The following USP39 variants were observed in gnomAD, a reference collection of about 807,000 sequenced individuals.
USP39 encodes ubiquitin specific peptidase 39, also known as ubiquitin carboxyl-terminal hydrolase 39.
In USP39, 38 loss-of-function variants were observed where a neutral mutation model predicts 66.4. The observed-to-expected ratio is 0.57, with a 90% CI of 0.44 to 0.75. The LOEUF is 0.75. Ranked by LOEUF, USP39 falls within the 30% of genes least tolerant of loss-of-function variation. The pLI, the probability that USP39 is intolerant of heterozygous loss-of-function variation, is 0.00. For missense variants in USP39, 608 were observed against 714.4 expected, an observed-to-expected ratio of 0.85 and a Z score of 1.70; for synonymous variants, 303 against 274.6, an observed-to-expected ratio of 1.10 and a Z score of -1.02.
chr2:85,608,953 G>C (rs958749349), upstream of USP39: 2 of 1,614,082 alleles, frequency 1.2e-6, no homozygotes, highest in African/African-American at 2.7e-5. Context: ...GGTCAGTGTT[G>C]GCTCTGGCGC....
chr2:85,619,136 C>G lies in USP39; in HGVS notation c.269-84C>G, dbSNP rs570440990. The stretch of plus-strand genomic sequence containing the variant: ...GGAACTCATCTTGATTAGTTTTTCC[C>G]ATTTCTGTTTCTTTTTTTGTTCTGT... On this transcript the variant is annotated intron_variant, in intron 1 of 12. Transcript: ENST00000323701. 5.4e-6 allele frequency: 8 copies of G among 1,475,352 alleles called. No individual in the cohort carries two copies. In the South Asian group the frequency reaches 8.3e-5, roughly 15 times the overall value. The allele number at this position is 1,475,352 out of a possible 1,614,324, so 91.4% of individuals were successfully genotyped here.
At chr2:85,622,099 C>T (rs1287754997) in intron 3 of USP39, among the ~76,000 whole-genome samples, 1 of 151,650 alleles carries the variant, frequency 6.6e-6, no homozygotes, top group Admixed American at 6.6e-5. Flanking sequence ...GGATTACAGG[C>T]GTGAGCCACC....
chr2:85,629,352 C>T (rs987511025), intron 5 of USP39, among the ~76,000 whole-genome samples: 15 of 151,886 alleles, frequency 9.9e-5, no homozygotes, highest in African/African-American at 2.2e-4. Flanking sequence ...TGAACCATCG[C>T]GCCTAGACCC....
chr2:85,636,492 A>G (rs1675786079), intron 7 of USP39, among the ~76,000 whole-genome samples: 3 of 152,116 alleles, frequency 2.0e-5, no homozygotes, highest in Non-Finnish European at 4.4e-5. Flanking sequence ...ATATGGTTAT[A>G]GTCCCAATGA....
chr2:85,615,530 G>A, upstream of USP39, among the ~76,000 whole-genome samples: 1 of 152,314 alleles, frequency 6.6e-6, no homozygotes, highest in East Asian at 1.9e-4. Context: ...ATTTGGGAAT[G>A]TCGCCTAGTT....
intron 6 of USP39, 56 bp from the exon 7 acceptor site, chr2:85,635,997 A>T: frequency 6.4e-7 from 1 of 1,561,310 alleles, no homozygotes; most frequent in Non-Finnish European, 8.8e-7. Flanking sequence ...TGCATGGTTT[A>T]AGTTAACTCT....
At chr2:85,618,958 C>T (rs112788655) in intron 1 of USP39, among the ~76,000 whole-genome samples, 10,424 of 151,942 alleles carry the variant, frequency 0.069, 1,211 homozygotes, top group African/African-American at 0.24. Context: ...TTTGTAGAGA[C>T]GGGGTTTCAC....
Position 85,616,230 on chromosome 2 carries a change from C to T in USP39, c.35C>T (p.Ser12Phe). 6.8e-7 allele frequency: 1 copy of T among 1,478,584 alleles called. No individual in the cohort carries two copies. Among genetic ancestry groups the T allele is most frequent in the Non-Finnish European group, 9.0e-7 (1 of 1,109,834 alleles). The allele number at this position is 1,478,584 out of a possible 1,614,324, so 91.6% of individuals were successfully genotyped here. A position where few individuals can be genotyped will look rare whatever the true frequency, so the allele number is the denominator to read the frequency against. Residue 12 changes from serine to phenylalanine, a missense_variant, in exon 1 of 13, where the codon TCC becomes TTC. Coordinates refer to ENST00000323701, the MANE Select transcript of USP39 (RefSeq NM_006590.4). ...CGGTCTAAGCGGGAGTCTCGCGGTT[C>T]CACTCGCGGGAAGCGAGAGTCTGAG... The part of the protein sequence containing the change: ...SGRSKRESRG[S>F]TRGKRESESR...
chr2:85,624,235 A>G (rs1037941852), intron 4 of USP39, among the ~76,000 whole-genome samples: 6 of 152,026 alleles, frequency 3.9e-5, no homozygotes, highest in African/African-American at 1.2e-4. Flanking sequence ...AGAGACACTC[A>G]TTGTACTGAG....
upstream of USP39, among the ~76,000 whole-genome samples, chr2:85,613,233 G>C (rs1673690208): frequency 6.6e-6 from 1 of 152,076 alleles, no homozygotes; most frequent in Admixed American, 6.5e-5. Context: ...AAAGAGCCGG[G>C]CGTGGTGGCT....
At chr2:85,618,733 C>G (rs566515967) in intron 1 of USP39, among the ~76,000 whole-genome samples, 2 of 151,900 alleles carry the variant, frequency 1.3e-5, no homozygotes, top group East Asian at 3.9e-4. Flanking sequence ...CAAATATATT[C>G]TCCCAGTTTG....
In USP39 at chr2:85,630,846, G is replaced by A. The variant is rs373092521; in HGVS notation, c.849G>A (p.Lys283=). ...AGCGTTTTGGAGAGCTGATGAGAAA[G>A]CTCTGGAACCCTCGAAATTTCAAGG... The part of the protein sequence containing the change: ...LVQRFGELMR[K]LWNPRNFKAH... Residue 283 remains lysine (K), a synonymous_variant, in exon 6 of 13, where the codon AAG becomes AAA. Coordinates refer to ENST00000323701, the MANE Select transcript of USP39 (RefSeq NM_006590.4). 161 of 1,614,086 alleles carry A rather than the reference G, an allele frequency of 1.0e-4. No homozygotes were observed. Among genetic ancestry groups the A allele is most frequent in the Middle Eastern group, 3.3e-4 (2 of 6,084 alleles).
rs1213887164 is a variant in USP39, at chr2:85,619,360, CA to C, written c.338+72del. 2.0e-6 allele frequency: 3 copies of C among 1,490,230 alleles called. No homozygotes were observed. In the African/African-American group the frequency reaches 4.2e-5, roughly 21 times the overall value. 92.3% of individuals were successfully genotyped at this position (1,490,230 alleles called of 1,614,324 possible). On this transcript the variant is annotated intron_variant, in intron 2 of 12. Coordinates refer to ENST00000323701, the MANE Select transcript of USP39 (RefSeq NM_006590.4). ...CTGTGCAGAAAGTTTTTGGACTGTA[CA>C]GTGAACAACACATTGACAAACTTTA...
upstream of USP39, among the ~76,000 whole-genome samples, chr2:85,612,623 G>A (rs867930297): frequency 2.0e-5 from 3 of 152,156 alleles, no homozygotes; most frequent in African/African-American, 7.2e-5. Context: ...GTTTTTGAGG[G>A]ACCTACGGGT....
At chr2:85,648,102 G>A in intron 12 of USP39, 86 bp downstream of exon 12, 7 of 1,450,510 alleles carry the variant, frequency 4.8e-6, no homozygotes, top group Non-Finnish European at 5.8e-6. Context: ...AAGAGGGATA[G>A]AGTTAGGACC....
rs537923063 is a variant in USP39, at chr2:85,604,830, A to C, written n.226+1749A>C. Among the ~76,000 whole-genome samples, 5 of 152,378 alleles carry C rather than the reference A, an allele frequency of 3.3e-5. No homozygotes were observed. The South Asian group carries it at 1.0e-3, about 32-fold the overall frequency. The stretch of plus-strand genomic sequence containing the variant: ...TTGAGCTGGGTTTGAGTCCCTATCC[A>C]ATCAAGATGAAGGCCTGAGAGGACT... On this transcript the variant is annotated intron_variant and non_coding_transcript_variant, in intron 1 of 12. Coordinates refer to the USP39 transcript ENST00000459775.
chr2:85,640,611 A>G (rs1676157424), intron 9 of USP39, among the ~76,000 whole-genome samples: 1 of 143,378 alleles, frequency 7.0e-6, no homozygotes, highest in Non-Finnish European at 1.5e-5. Context: ...TTACATATAT[A>G]TATATATATT....
chr2:85,631,415 C>G (rs1201636704), intron 6 of USP39, among the ~76,000 whole-genome samples: 1 of 147,986 alleles, frequency 6.8e-6, no homozygotes, highest in African/African-American at 2.5e-5. Context: ...CTTCTGGACT[C>G]AAGGGATCCT....
upstream of USP39, chr2:85,612,168 AG>A (rs1471624880): frequency 1.1e-6 from 1 of 905,130 alleles, no homozygotes; most frequent in African/African-American, 1.7e-5. Context: ...GGTCGGGTGG[AG>A]TAGGGTATGC....
Sources: gnomAD v4.1 joint callset for allele counts (sites outside exome capture counted in the v4.1 genomes callset) on GRCh38, gnomAD v4.1.1 for gene constraint, MANE v1.5 for transcripts, NCBI Gene and HGNC (gene_info 2026-07-23, HGNC 2026-07-21) for gene names.